SSH2: variants seen among roughly 807,000 people sequenced by gnomAD.
SSH2 encodes slingshot protein phosphatase 2, also known as protein phosphatase Slingshot homolog 2.
SSH2 carries 37 observed loss-of-function variants against 135.2 expected under a neutral mutation model. That is an observed-to-expected ratio of 0.27 (90% confidence interval 0.21 to 0.36). The LOEUF (loss-of-function observed/expected upper bound fraction) is 0.36, where lower values mean the gene tolerates loss of function less well. Ranked by LOEUF, SSH2 falls within the 10% of genes least tolerant of loss-of-function variation. The pLI is 1.00. For synonymous variants in SSH2, 628 were observed against 646.2 expected (o/e 0.97, Z 0.43); for missense variants, 1,408 against 1,765.3 (o/e 0.80, Z 3.63).
At chr17:29,837,843 G>C (rs1318950799) in intron 2 of SSH2, among the ~76,000 whole-genome samples, 1 of 152,268 alleles carries the variant, frequency 6.6e-6, no homozygotes, top group Admixed American at 6.5e-5. Flanking sequence ...GCACTCCATG[G>C]AGCTGGGGGG....
At chr17:29,697,511 C>T (rs898120177) in intron 4 of SSH2, among the ~76,000 whole-genome samples, 2 of 152,160 alleles carry the variant, frequency 1.3e-5, no homozygotes, top group Admixed American at 1.3e-4. Context: ...CTCCCTCTTT[C>T]CTTCTCATAC....
chr17:29,648,213 C>T lies in SSH2; in HGVS notation c.1358G>A (p.Arg453Gln), dbSNP rs1424914947. 1.9e-6 allele frequency: 3 copies of T among 1,614,008 alleles called. No individual in the cohort carries two copies. Among genetic ancestry groups the T allele is most frequent in the South Asian group, 1.1e-5 (1 of 91,082 alleles). ...GCTTGGGTTGGGCTTGGTTACCGTT[C>T]GTCTTTCTTTCACATAGTCATAGGC... ...DRAYDYVKER[R>Q]TVTKPNPSFM... The change falls in exon 14 of 16, where the codon CGA becomes CAA. Residue 453 changes from arginine to glutamine, a missense_variant. Physicochemically the swap from Arg to Gln is conservative, Grantham distance 43. This residue lies in a region of SSH2 where 106 missense variants were observed against 265.2 expected (regional missense o/e 0.40). Coordinates refer to ENST00000540801, the MANE Select transcript of SSH2 (RefSeq NM_001282129.2).
At chr17:29,840,878 A>G (rs1467819684) in intron 2 of SSH2, among the ~76,000 whole-genome samples, 2 of 152,244 alleles carry the variant, frequency 1.3e-5, no homozygotes, top group East Asian at 3.8e-4. Flanking sequence ...TGAGGCTTAG[A>G]GTGAAGTCAC....
In SSH2 at chr17:29,913,347, A is replaced by AATTATATATAT. The variant is rs1555543500; in HGVS notation, c.63+16590_63+16591insATATATATAAT. On this transcript the variant is annotated intron_variant, in intron 1 of 15. Coordinates refer to ENST00000540801, the MANE Select transcript of SSH2 (RefSeq NM_001282129.2). ...AAAAAAAAAAAAAAAAAAAAAAAAAAATATATATATATATATATATATATA... is the reference window on the plus strand; with the variant it reads ...AAAAAAAAAAAAAAAAAAAAAAAAAAATTATATATATATATATATATATATATATATATATA... Among the ~76,000 whole-genome samples the AATTATATATAT allele has an allele frequency of 4.5e-4, 13 of 28,786 alleles. 1 individual carries two copies. Among genetic ancestry groups the AATTATATATAT allele is most frequent in the Non-Finnish European group, 6.5e-4 (11 of 16,996 alleles). 18.9% of individuals were successfully genotyped at this position (28,786 alleles called of 152,430 possible).
chr17:29,765,486 G>A (rs139828425), intron 3 of SSH2, among the ~76,000 whole-genome samples: 10 of 152,288 alleles, frequency 6.6e-5, no homozygotes, highest in South Asian at 6.2e-4. Flanking sequence ...AAGACTCACC[G>A]TGCACCTTAG....
At chr17:29,698,539 A>T (rs2038855277) in intron 4 of SSH2, among the ~76,000 whole-genome samples, 1 of 151,992 alleles carries the variant, frequency 6.6e-6, no homozygotes, top group East Asian at 1.9e-4. Flanking sequence ...AGACTGGAGT[A>T]CAGTGGCGCT....
At chr17:29,671,874 T>C (rs779358978) in intron 9 of SSH2, 61 bp downstream of exon 9, 43 of 1,407,236 alleles carry the variant, frequency 3.1e-5, no homozygotes, top group Non-Finnish European at 3.5e-5. Flanking sequence ...GGAACATGCT[T>C]CTTATGACTC....
intron 2 of SSH2, among the ~76,000 whole-genome samples, chr17:29,831,968 C>A (rs1324716072): frequency 6.6e-6 from 1 of 152,100 alleles, no homozygotes; most frequent in Non-Finnish European, 1.5e-5. Flanking sequence ...GTAATCAGAG[C>A]GTATATGTAA....
intron 3 of SSH2, among the ~76,000 whole-genome samples, chr17:29,723,390 G>A (rs1445391162): frequency 6.6e-6 from 1 of 152,166 alleles, no homozygotes; most frequent in Non-Finnish European, 1.5e-5. Context: ...TTGCATGTAA[G>A]GCAATGAAGG....
intron 1 of SSH2, among the ~76,000 whole-genome samples, chr17:29,927,762 T>C (rs935310675): frequency 1.3e-5 from 2 of 152,238 alleles, no homozygotes; most frequent in East Asian, 1.9e-4. Context: ...TTATCAGTTA[T>C]ACTAATGATG....
At chr17:29,730,118 C>T (rs1049256471) in intron 3 of SSH2, among the ~76,000 whole-genome samples, 12 of 151,754 alleles carry the variant, frequency 7.9e-5, no homozygotes, top group Middle Eastern at 3.2e-3. Context: ...CTCAGGAGTT[C>T]GAAACCAGGC....
At chr17:29,843,398 T>TA (rs974930253) in intron 2 of SSH2, among the ~76,000 whole-genome samples, 2 of 151,474 alleles carry the variant, frequency 1.3e-5, no homozygotes, top group African/African-American at 2.4e-5. Context: ...TTGTTAAAAA[T>TA]AAAAAAAATT....
chr17:29,707,543 TG>T (rs2039256608), intron 3 of SSH2, among the ~76,000 whole-genome samples: 1 of 151,880 alleles, frequency 6.6e-6, no homozygotes, highest in South Asian at 2.1e-4. Context: ...TTTTTTTTTT[TG>T]AGATGGAGTC....
chr17:29,795,917 T>G (rs1166584988), intron 2 of SSH2, among the ~76,000 whole-genome samples: 1 of 152,054 alleles, frequency 6.6e-6, no homozygotes, highest in African/African-American at 2.4e-5. Flanking sequence ...AATTTTTGTA[T>G]TTTTTAGTAG....
intron 3 of SSH2, among the ~76,000 whole-genome samples, chr17:29,780,294 A>G (rs1468302190): frequency 6.6e-6 from 1 of 152,168 alleles, no homozygotes; most frequent in Admixed American, 6.5e-5. Context: ...ATCAATATTC[A>G]GTTTCTCCAT....
chr17:29,670,296 A>C (rs556724719), intron 9 of SSH2, among the ~76,000 whole-genome samples: 57 of 152,130 alleles, frequency 3.7e-4, no homozygotes, highest in Non-Finnish European at 6.5e-4. Context: ...ATTTCTCTGA[A>C]ACCCATCATC....
At chr17:29,928,333 A>C (rs969491137) in intron 1 of SSH2, 1 of 391,826 alleles carries the variant, frequency 2.6e-6, no homozygotes, top group African/African-American at 2.1e-5. Context: ...GATGACCCTA[A>C]AATGTTTTAC....
At chr17:29,872,519 C>T (rs1471879714) in intron 1 of SSH2, among the ~76,000 whole-genome samples, 1 of 152,152 alleles carries the variant, frequency 6.6e-6, no homozygotes, top group Admixed American at 6.5e-5. Flanking sequence ...CTTTGGGAGG[C>T]TAAGGCGGGA....
At chr17:29,929,797 T>G (rs2151498591) in intron 1 of SSH2, 141 bp downstream of exon 1, 29 of 709,838 alleles carry the variant, frequency 4.1e-5, no homozygotes, top group African/African-American at 9.1e-5. Context: ...AACATGGGGG[T>G]GTGGGGGGGT....
Sources: allele counts gnomAD v4.1 joint callset (sites outside exome capture counted in the v4.1 genomes callset), GRCh38; gene constraint gnomAD v4.1.1; regional missense constraint gnomAD v4.1.1; transcripts MANE v1.5; gene names NCBI Gene and HGNC (gene_info 2026-07-23, HGNC 2026-07-21).